The following CCDC171 variants were observed in gnomAD, a reference collection of about 807,000 sequenced individuals.
CCDC171 encodes coiled-coil domain-containing protein 171.
Under a neutral mutation model 168.2 loss-of-function variants are expected in CCDC171, and 177 were observed. The ratio of observed to expected loss-of-function variants is 1.05; its 90% CI spans 0.93 to 1.19. The LOEUF (loss-of-function observed/expected upper bound fraction) is 1.19. Ranked by LOEUF, CCDC171 falls within the 50% of genes most tolerant of loss-of-function variation. CCDC171 has a pLI of 0.00. For synonymous variants in CCDC171, 687 were observed against 540.8 expected (o/e 1.27, Z -3.75); for missense variants, 1,991 against 1,539.0 (o/e 1.29, Z -4.91).
At chr9:15,650,719 AGTTTT>A (rs940980765) in intron 7 of CCDC171, among the ~76,000 whole-genome samples, 3 of 151,890 alleles carry the variant, frequency 2.0e-5, no homozygotes, top group African/African-American at 7.2e-5. Context: ...TTTGTCTTTT[AGTTTT>A]AATTTTGTAT....
At chr9:15,806,105 T>A (rs1010938074) in intron 21 of CCDC171, among the ~76,000 whole-genome samples, 1 of 152,156 alleles carries the variant, frequency 6.6e-6, no homozygotes, top group African/African-American at 2.4e-5. Flanking sequence ...TCTCCATCCT[T>A]TTATTTTGAG....
At chr9:15,809,372 A>G (rs1385361141) in intron 21 of CCDC171, among the ~76,000 whole-genome samples, 2 of 152,232 alleles carry the variant, frequency 1.3e-5, no homozygotes, top group Non-Finnish European at 2.9e-5. Flanking sequence ...TCAATTCCTC[A>G]GTCTCACTGT....
intron 21 of CCDC171, among the ~76,000 whole-genome samples, chr9:15,799,198 C>A (rs2058704718): frequency 7.6e-6 from 1 of 130,948 alleles, no homozygotes. Flanking sequence ...TTATATAGAC[C>A]CGTGTTTCCA....
chr9:15,835,060 A>G (rs1158371908), intron 21 of CCDC171, among the ~76,000 whole-genome samples: 2 of 152,206 alleles, frequency 1.3e-5, no homozygotes, highest in South Asian at 2.1e-4. Context: ...TGTCATGGCT[A>G]AAAGTCTTAA....
chr9:15,741,650 TC>T (rs140806492), intron 16 of CCDC171, among the ~76,000 whole-genome samples: 2,660 of 152,302 alleles, frequency 0.017, 96 homozygotes, highest in African/African-American at 0.06. Context: ...GACTTTTTTT[TC>T]CTGTTTGAAT....
intron 21 of CCDC171, among the ~76,000 whole-genome samples, chr9:15,810,524 G>T (rs1251092680): frequency 6.6e-6 from 1 of 152,142 alleles, no homozygotes; most frequent in South Asian, 2.1e-4. Context: ...GGCATGGCGG[G>T]CTGCAGGTCC....
intron 21 of CCDC171, among the ~76,000 whole-genome samples, chr9:15,799,057 TATC>T (rs950398113): frequency 6.6e-6 from 1 of 150,396 alleles, no homozygotes; most frequent in African/African-American, 2.4e-5. Flanking sequence ...ACTATATTGT[TATC>T]ATTTCAACTT....
intron 7 of CCDC171, among the ~76,000 whole-genome samples, chr9:15,643,079 T>C (rs7031365): frequency 6.6e-6 from 1 of 151,852 alleles, no homozygotes; most frequent in South Asian, 2.1e-4. Flanking sequence ...AAAAAATTTA[T>C]TTCCATAGGT....
intron 7 of CCDC171, among the ~76,000 whole-genome samples, chr9:15,646,983 T>C (rs993864687): frequency 2.6e-5 from 4 of 152,282 alleles, no homozygotes; most frequent in South Asian, 2.1e-4. Context: ...TATTCCAAAA[T>C]TGACCACATA....
chr9:15,651,596 T>A (rs933728037), intron 7 of CCDC171, among the ~76,000 whole-genome samples: 1 of 152,086 alleles, frequency 6.6e-6, no homozygotes, highest in Admixed American at 6.6e-5. Context: ...AGTGAGAACG[T>A]GCGATATTTG....
At chr9:16,079,033 T>A in the CCDC171 span, among the ~76,000 whole-genome samples, 1 of 152,258 alleles carries the variant, frequency 6.6e-6, no homozygotes, top group African/African-American at 2.4e-5. Context: ...AATTGCTTTG[T>A]ACTTTTACTG....
At chr9:15,803,814 T>A (rs963350731) in intron 21 of CCDC171, among the ~76,000 whole-genome samples, 5 of 152,114 alleles carry the variant, frequency 3.3e-5, no homozygotes, top group African/African-American at 4.8e-5. Flanking sequence ...ATGTCAACGA[T>A]AGTTTAATGG....
At chr9:15,924,845 C>G (rs1409888547) in intron 25 of CCDC171, among the ~76,000 whole-genome samples, 6 of 151,484 alleles carry the variant, frequency 4.0e-5, no homozygotes, top group Non-Finnish European at 7.4e-5. Context: ...TCCTTTCCAT[C>G]CCTTTCAATT....
chr9:15,651,689 T>C (rs1008320190), intron 7 of CCDC171, among the ~76,000 whole-genome samples: 1 of 151,812 alleles, frequency 6.6e-6, no homozygotes, highest in African/African-American at 2.4e-5. Flanking sequence ...ATTTCACTCT[T>C]TTTTTTATGG....
chr9:15,794,033 GGT>G (rs140452226), intron 21 of CCDC171, among the ~76,000 whole-genome samples: 143,206 of 151,830 alleles, frequency 0.94, 67,604 homozygotes, highest in East Asian at 1. Context: ...TGGAGGTGGA[GGT>G]GTGGTAGGCA....
chr9:15,746,662 G>A (rs926019612), intron 18 of CCDC171, among the ~76,000 whole-genome samples: 1 of 152,180 alleles, frequency 6.6e-6, no homozygotes, highest in Non-Finnish European at 1.5e-5. Context: ...AACAGCTCCG[G>A]TCTGCAACTC....
At chr9:16,076,345 C>T in the CCDC171 span, among the ~76,000 whole-genome samples, 78 of 152,336 alleles carry the variant, frequency 5.1e-4, no homozygotes, top group African/African-American at 1.9e-3. Flanking sequence ...GTTGGTTCCA[C>T]CATGTATTTA....
chr9:16,094,678 A>T, the CCDC171 span, among the ~76,000 whole-genome samples: 12 of 152,302 alleles, frequency 7.9e-5, 1 homozygote, highest in Admixed American at 3.3e-4. Flanking sequence ...CTTTCAGGAG[A>T]TGTAGTTTCA....
chr9:16,000,570 T>C (rs938603873), intron 3 of CCDC171, among the ~76,000 whole-genome samples: 1 of 152,162 alleles, frequency 6.6e-6, no homozygotes. Flanking sequence ...GAAAAAGATA[T>C]GAAATATTCA....
Sources: gnomAD v4.1 joint callset for allele counts (sites outside exome capture counted in the v4.1 genomes callset) on GRCh38, gnomAD v4.1.1 for gene constraint, MANE v1.5 for transcripts, NCBI Gene and HGNC (gene_info 2026-07-23, HGNC 2026-07-21) for gene names.